The following PLCG2 variants were observed in gnomAD, a reference collection of about 807,000 sequenced individuals.
PLCG2 encodes the protein phospholipase C gamma 2.
A neutral mutation model predicts 175.6 loss-of-function variants in PLCG2; 69 were observed. The observed-to-expected ratio is 0.39, with a 90% CI of 0.32 to 0.48. PLCG2 has a LOEUF of 0.48. PLCG2 is among the 20% of genes least tolerant of loss of function. PLCG2 has a pLI of 0.91. For missense variants in PLCG2, 1,798 were observed against 1,650.9 expected (o/e 1.09, Z -1.54); for synonymous variants, 827 against 624.0 (o/e 1.33, Z -4.85).
rs530874030 is a variant in PLCG2 at position 81,805,546 on chromosome 16, C to A, written c.193+19364C>A. On this transcript the variant is annotated intron_variant, in intron 2 of 32. Transcript: ENST00000564138. ...AAACGCAAGAAAACAACAAAAAAAA[C>A]CAAAAACAAAAGCTCAACAATAAGA... Among the ~76,000 whole-genome samples the A allele has an allele frequency of 2.3e-3, 338 of 144,136 alleles. 2 individuals are homozygous for A. Among genetic ancestry groups the A allele is most frequent in the African/African-American group, 7.3e-3 (282 of 38,788 alleles). The allele number at this position is 144,136 out of a possible 152,430, so 94.6% of individuals were successfully genotyped here.
At chr16:81,842,395 G>A (rs763264759) in intron 2 of PLCG2, among the ~76,000 whole-genome samples, 4 of 152,126 alleles carry the variant, frequency 2.6e-5, no homozygotes, top group Non-Finnish European at 4.4e-5. Context: ...TCCCAGACTC[G>A]GAGCCGTCTG....
intron 2 of PLCG2, among the ~76,000 whole-genome samples, chr16:81,824,453 T>C (rs1904956728): frequency 6.6e-6 from 1 of 152,168 alleles, no homozygotes. Context: ...TATTTTCTTG[T>C]GATTTGTCAG....
intron 28 of PLCG2, 98 bp downstream of exon 28, chr16:81,938,001 G>A: frequency 8.7e-7 from 1 of 1,152,906 alleles, no homozygotes; most frequent in Non-Finnish European, 1.2e-6. Flanking sequence ...GTCTAGGGAG[G>A]CTGGTTGTCT....
At chr16:81,886,030 C>A (rs932744229) in intron 9 of PLCG2, among the ~76,000 whole-genome samples, 1 of 152,182 alleles carries the variant, frequency 6.6e-6, no homozygotes, top group Non-Finnish European at 1.5e-5. Context: ...GAGAGAAATT[C>A]ATGCACTTTT....
intron 2 of PLCG2, among the ~76,000 whole-genome samples, chr16:81,804,997 G>A (rs1042035800): frequency 1.3e-5 from 2 of 152,156 alleles, no homozygotes; most frequent in Non-Finnish European, 2.9e-5. Context: ...AGTTTTGCCT[G>A]GTTTACTCCT....
chr16:81,818,828 A>G (rs1169755039), intron 2 of PLCG2, among the ~76,000 whole-genome samples: 2 of 149,034 alleles, frequency 1.3e-5, no homozygotes, highest in African/African-American at 5.0e-5. Flanking sequence ...GTATTTAGGT[A>G]GAATATGAAT....
chr16:81,814,378 G>A (rs1159934187), intron 2 of PLCG2, among the ~76,000 whole-genome samples: 1 of 152,104 alleles, frequency 6.6e-6, no homozygotes, highest in Admixed American at 6.6e-5. Flanking sequence ...GAGGTGGGGT[G>A]TAGCCGGGAT....
intron 2 of PLCG2, among the ~76,000 whole-genome samples, chr16:81,762,567 TC>T (rs1910064078): frequency 6.8e-6 from 1 of 148,052 alleles, no homozygotes; most frequent in Non-Finnish European, 1.5e-5. Context: ...AGACTCCGTC[TC>T]AAAAAAAAAA....
At chr16:81,807,353 G>T (rs1904285983) in intron 2 of PLCG2, among the ~76,000 whole-genome samples, 1 of 152,124 alleles carries the variant, frequency 6.6e-6, no homozygotes, top group South Asian at 2.1e-4. Flanking sequence ...GAGGAGGATG[G>T]GCTTCTCAGA....
intron 2 of PLCG2, among the ~76,000 whole-genome samples, chr16:81,797,554 G>T (rs1199697818): frequency 6.6e-6 from 1 of 152,204 alleles, no homozygotes; most frequent in African/African-American, 2.4e-5. Flanking sequence ...TTCATAAGGG[G>T]GACTTCCCAG....
At chr16:81,884,599 ATC>A (rs1443592494) in intron 9 of PLCG2, among the ~76,000 whole-genome samples, 1 of 99,482 alleles carries the variant, frequency 1.0e-5, no homozygotes, top group Non-Finnish European at 2.0e-5. Flanking sequence ...AATTGTATGG[ATC>A]TGTGTGTGTG....
At position 81,896,278 on chromosome 16, in the gene PLCG2, C is replaced by T. The variant is rs941375479; in HGVS notation, c.1193+351C>T. Among the ~76,000 whole-genome samples the T allele has an allele frequency of 3.9e-5, 6 of 152,078 alleles. No individual in the cohort carries two copies. In the South Asian group the frequency reaches 6.2e-4, roughly 16 times the overall value. On this transcript the variant is annotated intron_variant, in intron 13 of 32. Transcript: ENST00000564138. Reference sequence around the variant, plus strand: ...GCGCAGTGGCTCACGCCTGTAATCCCGGCACTTTGGGAGGCTGAGGTGTGA... The same window carrying T: ...GCGCAGTGGCTCACGCCTGTAATCCTGGCACTTTGGGAGGCTGAGGTGTGA...
At chr16:81,748,872 A>G (rs908127529) in intron 1 of PLCG2, among the ~76,000 whole-genome samples, 12 of 152,206 alleles carry the variant, frequency 7.9e-5, no homozygotes, top group African/African-American at 2.7e-4. Context: ...TGAGGCTCAG[A>G]GAGGCTCGGT....
chr16:81,864,915 G>T (rs1342499644), intron 5 of PLCG2, among the ~76,000 whole-genome samples: 1 of 152,176 alleles, frequency 6.6e-6, no homozygotes, highest in African/African-American at 2.4e-5. Flanking sequence ...TCAGGGAATA[G>T]TTGCCGTCCT....
In PLCG2 at chr16:81,959,428, C is replaced by G; in HGVS notation, c.*1430C>G. 4.5e-6 allele frequency: 1 copy of G among 220,834 alleles called. No individual in the cohort carries two copies. Among genetic ancestry groups the G allele is most frequent in the Non-Finnish European group, 9.1e-6 (1 of 110,220 alleles). The allele number at this position is 220,834 out of a possible 1,614,324, so 13.7% of individuals were successfully genotyped here. On this transcript the variant is annotated 3_prime_UTR_variant, in exon 33 of 33. Coordinates refer to ENST00000564138, the MANE Select transcript of PLCG2 (RefSeq NM_002661.5). ...ACTGATCACCTCCACATGCCAAATA[C>G]AGTGCCAAGATTTGGGGGTGTGGAT...
rs1907381626 is a variant in PLCG2, at chr16:81,869,009, G to A, written c.480-205G>A. Among the ~76,000 whole-genome samples, 3 of 152,248 alleles carry A rather than the reference G, an allele frequency of 2.0e-5. No homozygotes were observed. In the South Asian group the frequency reaches 6.2e-4, roughly 31 times the overall value. ...CCTGTGAGTCTGCTATGTGACCCAT[G>A]TCCATGGACATTGCTTGAGCCTTGC... On this transcript the variant is annotated intron_variant, in intron 5 of 32. Coordinates refer to ENST00000564138, the MANE Select transcript of PLCG2 (RefSeq NM_002661.5).
chr16:81,845,072 G>C (rs1279885470), intron 2 of PLCG2, among the ~76,000 whole-genome samples: 1 of 152,172 alleles, frequency 6.6e-6, no homozygotes, highest in East Asian at 1.9e-4. Context: ...GAGACTACCA[G>C]TGTGCACCAG....
intron 2 of PLCG2, among the ~76,000 whole-genome samples, chr16:81,760,768 A>G (rs1470867748): frequency 6.6e-6 from 1 of 150,588 alleles, no homozygotes; most frequent in African/African-American, 2.4e-5. Flanking sequence ...AATAATAATA[A>G]TAATAATAAT....
chr16:81,894,495 C>A (rs972334447), intron 12 of PLCG2, among the ~76,000 whole-genome samples: 2 of 152,072 alleles, frequency 1.3e-5, no homozygotes, highest in African/African-American at 4.8e-5. Context: ...GCCTTATTTC[C>A]CTCCTTCCTT....
Sources: gnomAD v4.1 joint callset for allele counts (sites outside exome capture counted in the v4.1 genomes callset) on GRCh38, gnomAD v4.1.1 for gene constraint, MANE v1.5 for transcripts, NCBI Gene and HGNC (gene_info 2026-07-23, HGNC 2026-07-21) for gene names.